The following NOTCH4 variants were observed in gnomAD, a reference collection of about 807,000 sequenced individuals.
The protein encoded by NOTCH4 is neurogenic locus notch homolog protein 4.
Under a neutral mutation model 189.0 loss-of-function variants are expected in NOTCH4, and 138 were observed. That is an observed-to-expected ratio of 0.73 (90% CI 0.64 to 0.84). The LOEUF (loss-of-function observed/expected upper bound fraction) is 0.84. Ranked by LOEUF, NOTCH4 falls within the 40% of genes least tolerant of loss-of-function variation. The pLI, the probability that NOTCH4 is intolerant of heterozygous loss-of-function variation, is 0.00. For missense variants in NOTCH4, 2,286 were observed against 2,605.4 expected (o/e 0.88, Z 2.67); for synonymous variants, 942 against 1,032.8 (o/e 0.91, Z 1.69).
rs1006093525 is a variant in NOTCH4 at position 32,210,140 on chromosome 6, C to T, written c.2865+612G>A. ...TAGGGACATCTTCCTGAAGAAGATGCCTCCTGAACACCAGCCTGTGGAAGA... is the reference window on the plus strand; with the variant it reads ...TAGGGACATCTTCCTGAAGAAGATGTCTCCTGAACACCAGCCTGTGGAAGA... On this transcript the variant is annotated intron_variant, in intron 18 of 29. Transcript: ENST00000375023. This position sits in a 1 kb window ranked among gnomAD's most constrained non-coding sequence, Gnocchi z 4.8. Among the ~76,000 whole-genome samples the T allele has an allele frequency of 1.3e-5, 2 of 152,136 alleles. No homozygotes were observed. The highest frequency in any genetic ancestry group is 4.8e-5 in the African/African-American group (2 of 41,424).
At chr6:32,220,951 G>A (rs772840515) in intron 4 of NOTCH4, 27 bp downstream of exon 4, 8 of 1,592,204 alleles carry the variant, frequency 5.0e-6, no homozygotes, top group South Asian at 2.3e-5. Flanking sequence ...AGAGAGGGGC[G>A]GCCGGAGAGC....
rs761281369 is a variant in NOTCH4 at position 32,196,353 on chromosome 6, C to T, written c.5269G>A (p.Gly1757Arg). ...ARAARSLLQA[G>R]ADKDAQDNRE... is the part of the protein sequence containing the mutation. ...TTGTCCTGGGCATCTTTATCGGCTC[C>T]GGCCTGGAGAAGCGAGCGGGCGGCT... Residue 1757 changes from glycine (G) to arginine (R), a missense_variant, in exon 29 of 30, where the codon GGA becomes AGA. By Grantham distance (125) the Gly-to-Arg change is moderately radical. Transcript: ENST00000375023. 2 of 1,613,040 alleles carry T rather than the reference C, an allele frequency of 1.2e-6. No individual in the cohort carries two copies. Among genetic ancestry groups the T allele is most frequent in the African/African-American group, 2.7e-5 (2 of 74,954 alleles).
intron 28 of NOTCH4, among the ~76,000 whole-genome samples, chr6:32,196,715 G>C (rs1787958678): frequency 6.6e-6 from 1 of 151,418 alleles, no homozygotes; most frequent in South Asian, 2.1e-4. Flanking sequence ...CAGTTCCCCA[G>C]TAAGCTGGAG....
rs1196850134 is a variant in NOTCH4 at position 32,214,588 on chromosome 6, C to G, written c.2022-333G>C. Among the ~76,000 whole-genome samples the G allele has an allele frequency of 2.0e-5, 3 of 151,776 alleles. 1 individual carries two copies. Among genetic ancestry groups the G allele is most frequent in the Non-Finnish European group, 4.4e-5 (3 of 68,000 alleles). On this transcript the variant is annotated intron_variant, in intron 12 of 29. Transcript: ENST00000375023. Reference sequence around the variant, plus strand: ...TTATCTCTTTTGCTTTGTGTTTCCCCCAGGGCCTGGAACAGTAGCCACACA... The same window carrying G: ...TTATCTCTTTTGCTTTGTGTTTCCCGCAGGGCCTGGAACAGTAGCCACACA...
Position 32,222,659 on chromosome 6 carries a change from G to T in NOTCH4, c.303C>A (p.Phe101Leu), listed in dbSNP as rs758283279. 7 of 1,605,392 alleles carry T rather than the reference G, an allele frequency of 4.4e-6. No homozygotes were observed. The South Asian group carries it at 6.7e-5, about 15-fold the overall frequency. The change falls in exon 3 of 30, where the codon TTC becomes TTA. Residue 101 changes from phenylalanine (F) to leucine (L), a missense_variant. Transcript: ENST00000375023. ...TGAAGCCAGGGAGGCAAGTGCACAA[G>T]AAGCTGGGTGTCAATGGAGAGGGAG... is the stretch of plus-strand genomic sequence containing the variant. ...PSSPSPLTPS[F>L]LCTCLPGFTG...
intron 17 of NOTCH4, among the ~76,000 whole-genome samples, 181 bp from the exon 18 acceptor site, chr6:32,211,117 G>A (rs1204436599): frequency 2.0e-5 from 3 of 151,852 alleles, no homozygotes; most frequent in Non-Finnish European, 2.9e-5. Context: ...AAAATTGGTC[G>A]GGCGTTGTGG....
rs987437867 is a variant in NOTCH4 at position 32,195,913 on chromosome 6, C to G, written c.5536G>C (p.Val1846Leu). The G allele has an allele frequency of 6.3e-7, 1 of 1,586,896 alleles. No homozygotes were observed. The highest frequency in any genetic ancestry group is 8.5e-7 in the Non-Finnish European group (1 of 1,174,080). The stretch of plus-strand genomic sequence containing the variant: ...CCATGCGGGGGCACGCTTACTGACA[C>G]CGTCCGTGCGCGCGGGAAGGGCCCA... Reference protein sequence around the residue: ...EAGPFPRARTVSVSVPPHGGG... With the variant: ...EAGPFPRARTLSVSVPPHGGG... Residue 1846 changes from valine (V) to leucine (L), a missense_variant, in exon 30 of 30, where the codon GTG becomes CTG. Val to Leu is a conservative substitution (Grantham distance 32). Around this residue, in one of 2 missense-constraint regions of NOTCH4, gnomAD observed 383 missense variants for 343.5 expected, o/e 1.11. Coordinates refer to ENST00000375023, the MANE Select transcript of NOTCH4 (RefSeq NM_004557.4). The surrounding 1 kb of genome is among the most constrained non-coding windows in gnomAD (Gnocchi z 5.4).
chr6:32,201,331 C>A lies in NOTCH4; in HGVS notation c.3925G>T (p.Asp1309Tyr). 1 of 1,612,260 alleles carries A rather than the reference C, an allele frequency of 6.2e-7. No individual in the cohort carries two copies. Residue 1309 changes from aspartate to tyrosine, a missense_variant, in exon 22 of 30, where the codon GAC becomes TAC. This residue lies in a region of NOTCH4 where 1,903 missense variants were observed against 2,261.9 expected (regional missense o/e 0.84). Transcript: ENST00000375023. This position sits in a 1 kb window ranked among gnomAD's most constrained non-coding sequence, Gnocchi z 5.5. ...CGGGCCAGGGCAAACAGCTGCTGGT[C>A]TAGGGCTGGGGGGCTCAGTACCACC... ...LLVVLSPPAL[D>Y]QQLFALARVL...
rs1789957016 is a variant in NOTCH4 at position 32,223,878 on chromosome 6, A to G, written c.51T>C (p.Cys17=). The G allele has an allele frequency of 1.3e-6, 2 of 1,581,634 alleles. No individual in the cohort carries two copies. The highest frequency in any genetic ancestry group is 1.6e-5 in the African/African-American group (1 of 64,008). Reference sequence around the variant, plus strand: ...CACCTCTGGGTCTGACCACTGAGACACATAGCAGCAGCAGCAGCAGCAGCA... The same window carrying G: ...CACCTCTGGGTCTGACCACTGAGACGCATAGCAGCAGCAGCAGCAGCAGCA... ...LLLLLLLLLL[C]VSVVRPRGLL... Residue 17 remains cysteine, a synonymous_variant, in exon 1 of 30, where the codon TGT becomes TGC. Transcript: ENST00000375023.
In NOTCH4 at chr6:32,213,688, C is replaced by T. The variant is rs1789177267; in HGVS notation, c.2320G>A (p.Ala774Thr). The change falls in exon 14 of 30, where the codon GCC becomes ACC. Residue 774 changes from alanine (A) to threonine (T), a missense_variant and splice_region_variant. By Grantham distance (58) the Ala-to-Thr change is moderately conservative (BLOSUM62 0). Coordinates refer to ENST00000375023, the MANE Select transcript of NOTCH4 (RefSeq NM_004557.4). ...CQTSTDYCVSAPCFNGGTCVN... is the reference protein window; with the variant it reads ...CQTSTDYCVSTPCFNGGTCVN... ...GCCCCATGACACAGTGGGCACTCAC[C>T]AGACACACAGTAGTCAGTGCTGGTT... is the stretch of plus-strand genomic sequence containing the variant. The T allele has an allele frequency of 2.5e-6, 4 of 1,612,764 alleles. No homozygotes were observed. The highest frequency in any genetic ancestry group is 1.3e-5 in the African/African-American group (1 of 74,920).
Position 32,200,821 on chromosome 6 carries a change from G to A in NOTCH4, c.4315+10C>T. On this transcript the variant is annotated intron_variant, in intron 23 of 29. Transcript: ENST00000375023. This position sits in a 1 kb window ranked among gnomAD's most constrained non-coding sequence, Gnocchi z 5.0. ...ACAGAGGTCAGAGAAAGTGGCAAGG[G>A]GTCACCTACCGGTCCCTGCATGAGG... The A allele has an allele frequency of 6.3e-7, 1 of 1,589,894 alleles. No individual in the cohort carries two copies. The highest frequency in any genetic ancestry group is 8.6e-7 in the Non-Finnish European group (1 of 1,168,926).
intron 17 of NOTCH4, 69 bp from the exon 18 acceptor site, chr6:32,211,005 A>C (rs1262173266): frequency 6.3e-6 from 9 of 1,432,840 alleles, no homozygotes. Flanking sequence ...TTACGCCTGT[A>C]ATCCCAGCAC....
chr6:32,201,891 G>A lies in NOTCH4; in HGVS notation c.3755+185C>T. 2.1e-6 allele frequency: 1 copy of A among 483,968 alleles called. No homozygotes were observed. Among genetic ancestry groups the A allele is most frequent in the Non-Finnish European group, 3.3e-6 (1 of 298,586 alleles). The allele number at this position is 483,968 out of a possible 1,614,324, so 30.0% of individuals were successfully genotyped here. On this transcript the variant is annotated intron_variant, in intron 21 of 29. Transcript: ENST00000375023. The surrounding 1 kb of genome is among the most constrained non-coding windows in gnomAD (Gnocchi z 5.5). ...AAGGCCACGCCCCACATTAAATACT[G>A]ATGCCACCCCATTACCCTAGGTTGG...
In NOTCH4 at chr6:32,215,351, G is replaced by A; in HGVS notation, c.1896C>T (p.Asn632=). The change falls in exon 12 of 30, where the codon AAC becomes AAT. Residue 632 remains asparagine (N), a synonymous_variant. Coordinates refer to ENST00000375023, the MANE Select transcript of NOTCH4 (RefSeq NM_004557.4). ...TACATATCTGCTTGGGCTGGCACAGGTTGGGAGCACACAGGGGAACCTCAC... is the reference window on the plus strand; with the variant it reads ...TACATATCTGCTTGGGCTGGCACAGATTGGGAGCACACAGGGGAACCTCAC... The part of the protein sequence containing the change: ...QLCEVPLCAP[N]LCQPKQICKD... 6.2e-7 allele frequency: 1 copy of A among 1,611,088 alleles called. No homozygotes were observed. Among genetic ancestry groups the A allele is most frequent in the Non-Finnish European group, 8.5e-7 (1 of 1,179,400 alleles).
rs1230536477 is a variant in NOTCH4 at position 32,221,870 on chromosome 6, G to A, written c.452-545C>T. Among the ~76,000 whole-genome samples the A allele has an allele frequency of 1.3e-5, 2 of 152,174 alleles. No individual in the cohort carries two copies. ...TCCTCTCAGCAACCTTATGAAGTGT[G>A]ACCATTACTCTCCCTGTTTGTCAGC... On this transcript the variant is annotated intron_variant, in intron 3 of 29. Transcript: ENST00000375023. This position sits in a 1 kb window ranked among gnomAD's most constrained non-coding sequence, Gnocchi z 4.3.
At chr6:32,219,981 G>T in intron 7 of NOTCH4, 148 bp downstream of exon 7, 2 of 942,500 alleles carry the variant, frequency 2.1e-6, no homozygotes, top group Non-Finnish European at 3.3e-6. Context: ...TGGAGAGAGG[G>T]TCATGTAGGC....
In NOTCH4 at chr6:32,221,120, C is replaced by T. The variant is rs1214908200; in HGVS notation, c.657G>A (p.Gln219=). 7 of 1,613,154 alleles carry T rather than the reference C, an allele frequency of 4.3e-6. No individual in the cohort carries two copies. In the Admixed American group the frequency reaches 8.3e-5, roughly 19 times the overall value. ...CCTCCTGCCCCACAGGGCAGAGGCA[C>T]TGGAAGGAGCCCAGGGTGTTATGGC... The part of the protein sequence containing the change: ...TSCHNTLGSF[Q]CLCPVGQEGP... The change falls in exon 4 of 30, where the codon CAG becomes CAA. Residue 219 remains glutamine (Q), a synonymous_variant. Transcript: ENST00000375023. The surrounding 1 kb of genome is among the most constrained non-coding windows in gnomAD (Gnocchi z 4.3).
In NOTCH4 at chr6:32,195,630, C is replaced by A. The variant is rs45458498; in HGVS notation, c.5819G>T (p.Arg1940Leu). The A allele has an allele frequency of 8.9e-5, 144 of 1,612,910 alleles. No homozygotes were observed. The highest frequency in any genetic ancestry group is 1.2e-4 in the Non-Finnish European group (137 of 1,179,912). Residue 1940 changes from arginine to leucine, a missense_variant, in exon 30 of 30, where the codon CGC becomes CTC. Arg to Leu is a moderately radical substitution (Grantham distance 102, BLOSUM62 -2). Around this residue, in one of 2 missense-constraint regions of NOTCH4, gnomAD observed 383 missense variants for 343.5 expected, o/e 1.11. Transcript: ENST00000375023. This position sits in a 1 kb window ranked among gnomAD's most constrained non-coding sequence, Gnocchi z 5.4. ...GTCATCCGTTGAGACCCTGCCTCCG[C>A]GCCCGGCAGCCACTCCGTATCTTCC... is the stretch of plus-strand genomic sequence containing the variant. Reference protein sequence around the residue: ...MRGRYGVAAGRGGRVSTDDWP... With the variant: ...MRGRYGVAAGLGGRVSTDDWP...
At position 32,215,258 on chromosome 6, in the gene NOTCH4, G is replaced by T. The variant is rs1043083799; in HGVS notation, c.1989C>A (p.Asp663Glu). 6.2e-7 allele frequency: 1 copy of T among 1,604,850 alleles called. No homozygotes were observed. Among genetic ancestry groups the T allele is most frequent in the Non-Finnish European group, 8.5e-7 (1 of 1,176,886 alleles). ...AGTGCCCGTGGTGGCAGGTGCAGTT[G>T]TCCTCAGGTGGGGCACAGCCAGGGC... Reference protein sequence around the residue: ...DGSPGCAPPEDNCTCHHGHCQ... With the variant: ...DGSPGCAPPEENCTCHHGHCQ... Residue 663 changes from aspartate to glutamate, a missense_variant, in exon 12 of 30, where the codon GAC becomes GAA. By Grantham distance (45) the Asp-to-Glu change is conservative (BLOSUM62 2). Coordinates refer to ENST00000375023, the MANE Select transcript of NOTCH4 (RefSeq NM_004557.4).
Sources: allele counts gnomAD v4.1 joint callset (sites outside exome capture counted in the v4.1 genomes callset), GRCh38; gene constraint gnomAD v4.1.1; regional missense constraint gnomAD v4.1.1; non-coding constraint Gnocchi (gnomAD v3.1); transcripts MANE v1.5; gene names NCBI Gene and HGNC (gene_info 2026-07-23, HGNC 2026-07-21).